The following SDK1 variants were observed in gnomAD, a reference collection of about 807,000 sequenced individuals.
The protein encoded by SDK1 is protein sidekick-1.
In SDK1, 157 loss-of-function variants were observed where a neutral mutation model predicts 245.5. The observed-to-expected ratio is 0.64, with a 90% CI of 0.56 to 0.73. SDK1 has a LOEUF of 0.73. SDK1 is among the 30% of genes least tolerant of loss of function. The probability of loss-of-function intolerance (pLI) is 0.00; values close to 1 mark genes in which losing one functional copy is unlikely to be tolerated. For synonymous variants in SDK1, 1,647 were observed against 1,278.5 expected (o/e 1.29, Z -6.15); for missense variants, 3,583 against 3,002.3 (o/e 1.19, Z -4.52).
chr7:3,549,601 G>C (rs1389296341), intron 1 of SDK1, among the ~76,000 whole-genome samples: 1 of 152,204 alleles, frequency 6.6e-6, no homozygotes, highest in Non-Finnish European at 1.5e-5. Flanking sequence ...TCTGCGATCA[G>C]AGTTACCTGG....
chr7:3,721,144 G>C (rs1785353971), intron 4 of SDK1, among the ~76,000 whole-genome samples: 1 of 152,188 alleles, frequency 6.6e-6, no homozygotes, highest in Non-Finnish European at 1.5e-5. Flanking sequence ...TAAAAAGGGA[G>C]CTGGAGGGAG....
At chr7:3,670,479 A>C (rs1228232704) in intron 4 of SDK1, among the ~76,000 whole-genome samples, 1 of 152,210 alleles carries the variant, frequency 6.6e-6, no homozygotes, top group East Asian at 1.9e-4. Context: ...TTAATGGACA[A>C]GTTCTTGAAC....
chr7:3,858,414 T>C lies in SDK1; in HGVS notation c.847+36831T>C, dbSNP rs150254502. ...AAAACAAAACTGCAAAACAATACTT[T>C]ATATATTTTATTACTACATGTATAT... On this transcript the variant is annotated intron_variant, in intron 5 of 44. Transcript: ENST00000404826. Among the ~76,000 whole-genome samples the C allele has an allele frequency of 6.6e-5, 10 of 152,136 alleles. No homozygotes were observed. In the East Asian group the frequency reaches 1.7e-3, roughly 26 times the overall value.
chr7:4,266,440 C>G lies in SDK1; in HGVS notation c.*1056C>G, dbSNP rs377289216. The G allele has an allele frequency of 1.0e-6, 1 of 985,152 alleles. No homozygotes were observed. The highest frequency in any genetic ancestry group is 1.7e-5 in the African/African-American group (1 of 57,200). 61.0% of individuals were successfully genotyped at this position (985,152 alleles called of 1,614,324 possible). On this transcript the variant is annotated 3_prime_UTR_variant, in exon 45 of 45. Coordinates refer to ENST00000404826, the MANE Select transcript of SDK1 (RefSeq NM_152744.4). ...CCGACTCGCCTCGTGCACACCAGGC[C>G]GTCCCCTCCCTCTGTCCTGGCTTCT... is the stretch of plus-strand genomic sequence containing the variant.
intron 5 of SDK1, among the ~76,000 whole-genome samples, chr7:3,937,008 C>G (rs983802744): frequency 5.9e-5 from 9 of 152,142 alleles, no homozygotes; most frequent in African/African-American, 1.9e-4. Context: ...AAAGAGAAGC[C>G]CTGGCTGCCT....
intron 33 of SDK1, among the ~76,000 whole-genome samples, chr7:4,175,183 C>T (rs1562389995): frequency 1.3e-5 from 2 of 152,228 alleles, no homozygotes; most frequent in African/African-American, 2.4e-5. Context: ...CAGTACAGCG[C>T]CAGGCATGAT....
chr7:3,357,053 G>GAAAAAAA (rs35467524), intron 1 of SDK1, among the ~76,000 whole-genome samples: 1 of 81,300 alleles, frequency 1.2e-5, no homozygotes, highest in Non-Finnish European at 2.3e-5. Context: ...AGACTCTCTC[G>GAAAAAAA]AAAAAAAAAA....
chr7:4,046,581 T>G (rs1438895142), intron 17 of SDK1, among the ~76,000 whole-genome samples: 1 of 152,248 alleles, frequency 6.6e-6, no homozygotes, highest in Admixed American at 6.5e-5. Context: ...CTTTGTGCTT[T>G]TATTGAAAAC....
chr7:3,598,846 T>A (rs1781157606), intron 1 of SDK1, among the ~76,000 whole-genome samples: 2 of 147,330 alleles, frequency 1.4e-5, no homozygotes, highest in South Asian at 4.5e-4. Flanking sequence ...TATAACAGTT[T>A]GTATACCATT....
chr7:3,877,980 G>C (rs908078439), intron 5 of SDK1, among the ~76,000 whole-genome samples: 1 of 152,044 alleles, frequency 6.6e-6, no homozygotes, highest in African/African-American at 2.4e-5. Context: ...AAATTTGCTG[G>C]AACAGAGGGA....
chr7:3,551,697 A>T (rs1779419133), intron 1 of SDK1, among the ~76,000 whole-genome samples: 1 of 152,126 alleles, frequency 6.6e-6, no homozygotes, highest in African/African-American at 2.4e-5. Context: ...TTATTTACAG[A>T]CAGGCTCTCA....
intron 3 of SDK1, among the ~76,000 whole-genome samples, chr7:3,640,307 C>G (rs1003250821): frequency 3.9e-5 from 6 of 152,122 alleles, no homozygotes; most frequent in South Asian, 2.1e-4. Context: ...TTGGTGATGA[C>G]AGAATTTCCT....
At chr7:4,180,670 G>A (rs1457627786) in intron 35 of SDK1, among the ~76,000 whole-genome samples, 4 of 152,226 alleles carry the variant, frequency 2.6e-5, no homozygotes, top group East Asian at 1.9e-4. Flanking sequence ...TGCAGGCTGC[G>A]CAGGAAGCAT....
Position 3,960,658 on chromosome 7 carries a change from A to G in SDK1, c.1234+1644A>G, listed in dbSNP as rs540963487. Among the ~76,000 whole-genome samples the G allele has an allele frequency of 1.7e-3, 252 of 152,158 alleles. 1 individual carries two copies. The highest frequency in any genetic ancestry group is 5.9e-3 in the African/African-American group (246 of 41,484). On this transcript the variant is annotated intron_variant, in intron 8 of 44. Transcript: ENST00000404826. The stretch of plus-strand genomic sequence containing the variant: ...TGGTTCAGTAGGAGTTCTGGTCCTC[A>G]GCTCCTGACCAGCTCACAGCGGCTG...
intron 1 of SDK1, among the ~76,000 whole-genome samples, chr7:3,482,840 G>A (rs1781559508): frequency 6.6e-6 from 1 of 152,194 alleles, no homozygotes; most frequent in Non-Finnish European, 1.5e-5. Context: ...GACATAAAAT[G>A]TACATCTTGA....
At chr7:3,848,629 C>A (rs530512933) in intron 5 of SDK1, among the ~76,000 whole-genome samples, 2 of 152,006 alleles carry the variant, frequency 1.3e-5, no homozygotes, top group Admixed American at 1.3e-4. Context: ...ACATAGAAGA[C>A]CACCACCCAG....
At chr7:3,694,307 G>C (rs1434198636) in intron 4 of SDK1, among the ~76,000 whole-genome samples, 2 of 152,128 alleles carry the variant, frequency 1.3e-5, no homozygotes, top group East Asian at 3.9e-4. Flanking sequence ...CCTAGGTTGG[G>C]CAGTGCATGA....
At chr7:4,079,089 CTG>C in intron 21 of SDK1, among the ~76,000 whole-genome samples, 1 of 152,354 alleles carries the variant, frequency 6.6e-6, no homozygotes, top group East Asian at 1.9e-4. Context: ...CGCTCGTTCT[CTG>C]TGTGGTTTGA....
At chr7:4,151,629 C>T (rs1780388834) in intron 30 of SDK1, among the ~76,000 whole-genome samples, 1 of 152,198 alleles carries the variant, frequency 6.6e-6, no homozygotes, top group Non-Finnish European at 1.5e-5. Flanking sequence ...ACCACCACCA[C>T]CGCCATCCTC....
Sources: allele counts gnomAD v4.1 joint callset (sites outside exome capture counted in the v4.1 genomes callset), GRCh38; gene constraint gnomAD v4.1.1; transcripts MANE v1.5; gene names NCBI Gene and HGNC (gene_info 2026-07-23, HGNC 2026-07-21).